Variants in DPYD observed in about 807,000 individuals in gnomAD.
DPYD encodes dihydropyrimidine dehydrogenase, also known as dihydropyrimidine dehydrogenase [NADP(+)].
In DPYD, 109 loss-of-function variants were observed where a neutral mutation model predicts 116.2. The ratio of observed to expected loss-of-function variants is 0.94; its 90% CI spans 0.80 to 1.10. The LOEUF is 1.10. DPYD is among the 50% of genes least tolerant of loss of function. DPYD has a pLI of 0.00. For synonymous variants in DPYD, 440 were observed against 432.0 expected (o/e 1.02, Z -0.23); for missense variants, 1,302 against 1,254.5 (o/e 1.04, Z -0.57).
At chr1:97,144,161 C>G (rs891202867) in intron 20 of DPYD, among the ~76,000 whole-genome samples, 7 of 152,110 alleles carry the variant, frequency 4.6e-5, no homozygotes, top group African/African-American at 1.7e-4. Context: ...CTTTTTAAAG[C>G]AAAAAGACAA....
intron 3 of DPYD, among the ~76,000 whole-genome samples, chr1:97,766,099 T>C (rs1041779002): frequency 1.3e-5 from 2 of 151,896 alleles, no homozygotes; most frequent in East Asian, 2.0e-4. Flanking sequence ...AAATTAGCCA[T>C]GCGTGGTGAC....
chr1:97,815,244 A>G (rs1320870100), intron 3 of DPYD, among the ~76,000 whole-genome samples: 1 of 152,144 alleles, frequency 6.6e-6, no homozygotes, highest in Non-Finnish European at 1.5e-5. Context: ...TTTTTAGGGG[A>G]GACATCAAAA....
At chr1:97,602,986 T>C (rs893372381) in intron 8 of DPYD, among the ~76,000 whole-genome samples, 11 of 152,050 alleles carry the variant, frequency 7.2e-5, no homozygotes, top group Non-Finnish European at 1.5e-4. Context: ...TATGGTATTA[T>C]TTATTAAAGT....
intron 12 of DPYD, among the ~76,000 whole-genome samples, chr1:97,535,953 T>G (rs1403739320): frequency 6.6e-6 from 1 of 152,206 alleles, no homozygotes; most frequent in Non-Finnish European, 1.5e-5. Flanking sequence ...CAATTTAACC[T>G]GAATGTACTA....
At chr1:97,265,506 T>C (rs555784803) in intron 18 of DPYD, 1 of 152,334 alleles carries the variant, frequency 6.6e-6, no homozygotes, top group South Asian at 2.1e-4. Flanking sequence ...ATATGTTTAA[T>C]GGATAAATAA....
At chr1:97,329,003 T>C (rs1417673468) in intron 16 of DPYD, among the ~76,000 whole-genome samples, 1 of 152,136 alleles carries the variant, frequency 6.6e-6, no homozygotes, top group Non-Finnish European at 1.5e-5. Flanking sequence ...TTGTTTAAAG[T>C]TTGATTAGAG....
chr1:97,334,988 A>G (rs1669210801), intron 16 of DPYD, among the ~76,000 whole-genome samples: 1 of 152,060 alleles, frequency 6.6e-6, no homozygotes, highest in Admixed American at 6.6e-5. Context: ...GTGTTGGGGC[A>G]GTGGGGAACA....
In DPYD at chr1:97,134,013, AAATATATATATATATAT is replaced by A. The variant is rs1398922453; in HGVS notation, c.2623-35398_2623-35382del. On this transcript the variant is annotated intron_variant, in intron 20 of 22. Coordinates refer to ENST00000370192, the MANE Select transcript of DPYD (RefSeq NM_000110.4). ...GACTCTGTTTCAAAAAAAAAAAAAA[AAATATATATATATATAT>A]ATATATATATATATATATATATATA... Among the ~76,000 whole-genome samples, 24 of 18,802 alleles carry A rather than the reference AAATATATATATATATAT, an allele frequency of 1.3e-3. 2 individuals carry two copies. The highest frequency in any genetic ancestry group is 4.2e-3 in the South Asian group (2 of 476). 12.3% of individuals were successfully genotyped at this position (18,802 alleles called of 152,430 possible).
chr1:97,720,284 T>G (rs1662850310), intron 5 of DPYD: 2 of 985,454 alleles, frequency 2.0e-6, no homozygotes, highest in African/African-American at 3.5e-5. Context: ...ACATACTATG[T>G]GACCTTTCAC....
chr1:97,490,508 AATAAT>A (rs1286178847), intron 13 of DPYD, among the ~76,000 whole-genome samples: 1 of 148,024 alleles, frequency 6.8e-6, no homozygotes, highest in East Asian at 1.9e-4. Context: ...TAATTATATT[AATAAT>A]ATAATATGTA....
chr1:97,630,899 T>A (rs759743151), intron 8 of DPYD, among the ~76,000 whole-genome samples: 6 of 152,086 alleles, frequency 3.9e-5, no homozygotes, highest in Non-Finnish European at 7.4e-5. Context: ...ACAAAGCCCA[T>A]CAATAGGAAG....
chr1:97,883,603 C>T (rs1672335671), intron 1 of DPYD, among the ~76,000 whole-genome samples: 1 of 151,932 alleles, frequency 6.6e-6, no homozygotes, highest in Admixed American at 6.6e-5. Context: ...TACGCTACCA[C>T]ACCTGGCTAA....
chr1:97,481,729 T>C (rs573098044), intron 13 of DPYD, among the ~76,000 whole-genome samples: 138 of 152,294 alleles, frequency 9.1e-4, no homozygotes, highest in African/African-American at 3.1e-3. Flanking sequence ...ATGACAAAAT[T>C]CAAGCTATTC....
chr1:97,785,936 G>T (rs1465643649), intron 3 of DPYD, among the ~76,000 whole-genome samples: 3 of 150,350 alleles, frequency 2.0e-5, no homozygotes, highest in Non-Finnish European at 3.0e-5. Flanking sequence ...CTCATGATCC[G>T]CCTGCCTCGG....
At chr1:97,098,696 T>A in intron 20 of DPYD, 64 bp from the exon 21 acceptor site, 1 of 1,551,978 alleles carries the variant, frequency 6.4e-7, no homozygotes, top group African/African-American at 1.4e-5. Flanking sequence ...TGGGAAGATA[T>A]AAACATATAA....
chr1:97,333,809 C>T (rs187814890), intron 16 of DPYD, among the ~76,000 whole-genome samples: 12 of 152,202 alleles, frequency 7.9e-5, no homozygotes, highest in African/African-American at 2.4e-4. Flanking sequence ...CATGAGCCAC[C>T]GCACCCAGCT....
intron 14 of DPYD, among the ~76,000 whole-genome samples, chr1:97,421,930 G>A (rs565907186): frequency 9.1e-4 from 139 of 152,232 alleles, no homozygotes; most frequent in African/African-American, 3.3e-3. Context: ...CATATAAAGC[G>A]CTAGCCCCTG....
At chr1:97,784,343 G>A (rs1343906034) in intron 3 of DPYD, among the ~76,000 whole-genome samples, 5 of 152,126 alleles carry the variant, frequency 3.3e-5, no homozygotes, top group Non-Finnish European at 7.4e-5. Context: ...AGTTGAGAGT[G>A]TAGGTATCTA....
intron 14 of DPYD, among the ~76,000 whole-genome samples, chr1:97,435,303 G>GTA (rs71071652): frequency 0.23 from 34,498 of 151,544 alleles, 4,359 homozygotes; most frequent in Middle Eastern, 0.37. Context: ...ACCTGTATTA[G>GTA]TATATATTCT....
Sources: gnomAD v4.1 joint callset for allele counts (sites outside exome capture counted in the v4.1 genomes callset) on GRCh38, gnomAD v4.1.1 for gene constraint, MANE v1.5 for transcripts, NCBI Gene and HGNC (gene_info 2026-07-23, HGNC 2026-07-21) for gene names.